Variants in FBLN2 observed in about 807,000 individuals in gnomAD.
FBLN2 encodes the protein fibulin 2.
In FBLN2, 81 loss-of-function variants were observed where a neutral mutation model predicts 123.7. The observed-to-expected ratio is 0.65, with a 90% CI of 0.55 to 0.79. The LOEUF is 0.79. FBLN2 is among the 30% of genes least tolerant of loss of function. The pLI is 0.00. For missense variants in FBLN2, 1,603 were observed against 1,681.3 expected (o/e 0.95, Z 0.81); for synonymous variants, 699 against 701.4 (o/e 1.00, Z 0.05).
At chr3:13,619,091 T>A in intron 7 of FBLN2, 74 bp downstream of exon 7, 2 of 1,126,652 alleles carry the variant, frequency 1.8e-6, no homozygotes, top group South Asian at 1.4e-5. Flanking sequence ...TTGCAGGTGG[T>A]GAGCTGTCTG....
chr3:13,584,214 C>T (rs766697264), intron 2 of FBLN2, among the ~76,000 whole-genome samples: 1 of 152,230 alleles, frequency 6.6e-6, no homozygotes, highest in Non-Finnish European at 1.5e-5. Context: ...AATTCGTTCA[C>T]ATATTTTTAA....
intron 4 of FBLN2, 34 bp downstream of exon 4, chr3:13,609,676 G>T (rs1227031863): frequency 6.5e-7 from 1 of 1,530,426 alleles, no homozygotes; most frequent in South Asian, 1.2e-5. Context: ...AGGCAGGGTG[G>T]GGTGGGGCGG....
chr3:13,614,308 A>C, intron 5 of FBLN2, 144 bp downstream of exon 5: 1 of 853,266 alleles, frequency 1.2e-6, no homozygotes. Flanking sequence ...TGGTGATTTC[A>C]TTGTTTTCTG....
intron 16 of FBLN2, among the ~76,000 whole-genome samples, chr3:13,635,828 C>T (rs567245664): frequency 4.6e-4 from 70 of 152,136 alleles, no homozygotes; most frequent in African/African-American, 1.5e-3. Flanking sequence ...TGAGGGGGGA[C>T]GGTAGAAACA....
chr3:13,634,360 G>T (rs113102190), intron 16 of FBLN2, among the ~76,000 whole-genome samples: 2 of 152,240 alleles, frequency 1.3e-5, no homozygotes, highest in Admixed American at 1.3e-4. Context: ...GCCCTGGGGC[G>T]TTAGGGAAGA....
intron 2 of FBLN2, among the ~76,000 whole-genome samples, chr3:13,600,046 C>CGAGAGAGA (rs1252358257): frequency 1.6e-5 from 2 of 128,148 alleles, no homozygotes; most frequent in Admixed American, 7.8e-5. Flanking sequence ...AGAGAGAGAG[C>CGAGAGAGA]GAGAGAGAGA....
intron 3 of FBLN2, among the ~76,000 whole-genome samples, chr3:13,608,999 C>G (rs1345994787): frequency 6.6e-6 from 1 of 152,246 alleles, no homozygotes; most frequent in Non-Finnish European, 1.5e-5. Context: ...GCTAAGCGGT[C>G]CTAGTGCATG....
rs967441301 is a variant in FBLN2 at position 13,551,933 on chromosome 3, C to A, written c.-42+2725C>A. Among the ~76,000 whole-genome samples the A allele has an allele frequency of 3.3e-5, 5 of 149,932 alleles. No individual in the cohort carries two copies. In the South Asian group the frequency reaches 1.1e-3, roughly 33 times the overall value. ...GATCACAGCTCACTGCAGCCTCAAA[C>A]TCCTGGGCTCAAGTGATCCTCCAGC... is the stretch of plus-strand genomic sequence containing the variant. On this transcript the variant is annotated intron_variant, in intron 1 of 17. Transcript: ENST00000404922.
Position 13,621,931 on chromosome 3 carries a change from G to A in FBLN2, c.2296+16G>A, listed in dbSNP as rs757599982. 20 of 1,606,206 alleles carry A rather than the reference G, an allele frequency of 1.2e-5. No individual in the cohort carries two copies. The highest frequency in any genetic ancestry group is 4.0e-5 in the African/African-American group (3 of 74,862). On this transcript the variant is annotated intron_variant, in intron 9 of 17. Transcript: ENST00000404922. Reference sequence around the variant, plus strand: ...AAGTGCGTGGGTAAGCCAGGGCCCCGCCTGCCGCCCGCCGTCACAGCTCTC... The same window carrying A: ...AAGTGCGTGGGTAAGCCAGGGCCCCACCTGCCGCCCGCCGTCACAGCTCTC...
chr3:13,572,993 A>G (rs1385730558), intron 2 of FBLN2, among the ~76,000 whole-genome samples: 1 of 152,132 alleles, frequency 6.6e-6, no homozygotes, highest in Non-Finnish European at 1.5e-5. Context: ...AGGCTTCAGG[A>G]GTCCTCTAGC....
At chr3:13,618,349 A>C (rs1478253052) in intron 6 of FBLN2, 64 bp downstream of exon 6, 17 of 1,500,204 alleles carry the variant, frequency 1.1e-5, no homozygotes, top group African/African-American at 6.9e-5. Context: ...GGGGTGTGGC[A>C]TTCCTGGGGT....
chr3:13,565,315 G>A (rs1703712785), intron 1 of FBLN2, among the ~76,000 whole-genome samples: 1 of 152,220 alleles, frequency 6.6e-6, no homozygotes, highest in Admixed American at 6.5e-5. Context: ...CTGCTCTTGT[G>A]TCTCCACTCC....
chr3:13,582,573 C>G (rs1704368310), intron 2 of FBLN2, among the ~76,000 whole-genome samples: 1 of 152,168 alleles, frequency 6.6e-6, no homozygotes, highest in African/African-American at 2.4e-5. Context: ...GGCTTGGGGC[C>G]AAGTTGCAGT....
At chr3:13,594,394 G>A (rs1004855973) in intron 2 of FBLN2, among the ~76,000 whole-genome samples, 1 of 152,098 alleles carries the variant, frequency 6.6e-6, no homozygotes, top group South Asian at 2.1e-4. Context: ...GGGCGGGGCA[G>A]AGGTCCCTGC....
intron 13 of FBLN2, 54 bp downstream of exon 13, chr3:13,629,346 C>G (rs1346952793): frequency 1.8e-5 from 28 of 1,530,618 alleles, no homozygotes; most frequent in Non-Finnish European, 2.5e-5. Context: ...GTCCCCTGCC[C>G]TCTGTGCACT....
intron 1 of FBLN2, among the ~76,000 whole-genome samples, chr3:13,567,152 G>A (rs1419295367): frequency 1.3e-5 from 2 of 152,076 alleles, no homozygotes; most frequent in African/African-American, 4.8e-5. Flanking sequence ...CCTGGGGGCT[G>A]TGCCGGTGAG....
At chr3:13,581,370 T>C (rs1244599981) in intron 2 of FBLN2, among the ~76,000 whole-genome samples, 2 of 152,104 alleles carry the variant, frequency 1.3e-5, no homozygotes, top group African/African-American at 4.8e-5. Flanking sequence ...ACGGAGGTGT[T>C]ATTTTGGAAT....
chr3:13,579,549 G>C (rs146214694), intron 2 of FBLN2, among the ~76,000 whole-genome samples: 5 of 152,244 alleles, frequency 3.3e-5, no homozygotes, highest in Non-Finnish European at 7.3e-5. Context: ...AACATAGGAC[G>C]CACAGCGTTC....
chr3:13,560,160 G>A (rs1703566469), intron 1 of FBLN2, among the ~76,000 whole-genome samples: 1 of 152,136 alleles, frequency 6.6e-6, no homozygotes, highest in Non-Finnish European at 1.5e-5. Flanking sequence ...TGCTTATGTT[G>A]GTAATGAGAT....
Sources: gnomAD v4.1 joint callset for allele counts (sites outside exome capture counted in the v4.1 genomes callset) on GRCh38, gnomAD v4.1.1 for gene constraint, MANE v1.5 for transcripts, NCBI Gene and HGNC (gene_info 2026-07-23, HGNC 2026-07-21) for gene names.